Variants in ANKRD42 observed in about 807,000 individuals in gnomAD.
ANKRD42 encodes ankyrin repeat domain-containing protein 42.
Under a neutral mutation model 51.5 loss-of-function variants are expected in ANKRD42, and 43 were observed. The ratio of observed to expected loss-of-function variants is 0.83; its 90% CI spans 0.65 to 1.08. ANKRD42 has a LOEUF of 1.08. Ranked by LOEUF, ANKRD42 falls within the 50% of genes least tolerant of loss-of-function variation. The pLI, the probability that ANKRD42 is intolerant of heterozygous loss-of-function variation, is 0.00. For synonymous variants in ANKRD42, 203 were observed against 213.0 expected, an observed-to-expected ratio of 0.95 and a Z score of 0.41; for missense variants, 608 against 629.3, an observed-to-expected ratio of 0.97 and a Z score of 0.36.
intron 5 of ANKRD42, among the ~76,000 whole-genome samples, chr11:83,222,624 G>C (rs979759540): frequency 1.3e-5 from 2 of 152,188 alleles, no homozygotes; most frequent in Non-Finnish European, 2.9e-5. Flanking sequence ...ATTTCAGGTA[G>C]AGGTAACAGC....
At position 83,227,739 on chromosome 11, in the gene ANKRD42, A is replaced by G. The variant is rs1418868498; in HGVS notation, c.788-8A>G. The G allele has an allele frequency of 6.2e-7, 1 of 1,601,446 alleles. No individual in the cohort carries two copies. The highest frequency in any genetic ancestry group is 8.5e-7 in the Non-Finnish European group (1 of 1,176,532). On this transcript the variant is annotated splice_region_variant and splice_polypyrimidine_tract_variant and intron_variant, in intron 6 of 10. Coordinates refer to ENST00000533342, the MANE Select transcript of ANKRD42 (RefSeq NM_001300975.2). The stretch of plus-strand genomic sequence containing the variant: ...GTTTATTGAAATGCTGAATTTTTTT[A>G]TTCATAGCTTTAGCATTTCCAGGTC...
chr11:83,231,284 T>G (rs185847405), intron 7 of ANKRD42, among the ~76,000 whole-genome samples: 283 of 152,380 alleles, frequency 1.9e-3, no homozygotes, highest in African/African-American at 6.5e-3. Context: ...TTATTTGTAC[T>G]TTTGATTTGC....
chr11:83,219,459 T>C (rs1431342563), intron 5 of ANKRD42, among the ~76,000 whole-genome samples: 1 of 152,210 alleles, frequency 6.6e-6, no homozygotes, highest in Admixed American at 6.5e-5. Context: ...GAGAAATCTC[T>C]GAATTAGTGA....
chr11:83,261,981 A>C, downstream of ANKRD42: 1 of 1,565,038 alleles, frequency 6.4e-7, no homozygotes, highest in Non-Finnish European at 8.8e-7. Context: ...GAAAAGAAGA[A>C]ACTGTGTTAT....
At chr11:83,241,519 G>GAGGGGGAGGAGCC (rs1863386863) in intron 9 of ANKRD42, among the ~76,000 whole-genome samples, 1 of 152,144 alleles carries the variant, frequency 6.6e-6, no homozygotes, top group African/African-American at 2.4e-5. Context: ...TAAGATCTTG[G>GAGGGGGAGGAGCC]AAGAACGTGC....
At chr11:83,224,672 A>G (rs939836730) in intron 5 of ANKRD42, among the ~76,000 whole-genome samples, 183 bp from the exon 6 acceptor site, 3 of 152,078 alleles carry the variant, frequency 2.0e-5, no homozygotes, top group Non-Finnish European at 4.4e-5. Context: ...ACTCCCAGCT[A>G]CTTGGGAGGA....
rs115915578 is a variant in ANKRD42 at position 83,255,854 on chromosome 11, G to A, written c.1474G>A (p.Ala492Thr). The A allele has an allele frequency of 9.3e-4, 1,427 of 1,528,846 alleles. 13 individuals carry two copies. In the African/African-American group the frequency reaches 0.017, roughly 19 times the overall value. 94.7% of individuals were successfully genotyped at this position (1,528,846 alleles called of 1,614,324 possible). Residue 492 changes from alanine (A) to threonine (T), a missense_variant, in exon 12 of 12, where the codon GCT becomes ACT. Transcript: ENST00000260047. ...TTTCCTTTGCTTATAGGAAGACAGC[G>A]CTTCTTGTGAGTCAAACAAAGAGAA...
chr11:83,244,121 C>T (rs1269362525), intron 9 of ANKRD42, among the ~76,000 whole-genome samples: 1 of 151,820 alleles, frequency 6.6e-6, no homozygotes, highest in East Asian at 1.9e-4. Context: ...AGCTGGATTA[C>T]AGGCATGTGC....
intron 5 of ANKRD42, chr11:83,214,541 G>A (rs1024702249): frequency 1.0e-6 from 1 of 982,694 alleles, no homozygotes; most frequent in Non-Finnish European, 1.2e-6. Context: ...GAAAGAATGT[G>A]GCCTTAGGTC....
downstream of ANKRD42, among the ~76,000 whole-genome samples, chr11:83,262,210 A>G (rs1863968892): frequency 6.6e-6 from 1 of 152,092 alleles, no homozygotes; most frequent in African/African-American, 2.4e-5. Flanking sequence ...GAAACCTATA[A>G]CCTGTATTTA....
At chr11:83,198,022 T>C (rs1224582357) in intron 1 of ANKRD42, among the ~76,000 whole-genome samples, 1 of 152,192 alleles carries the variant, frequency 6.6e-6, no homozygotes, top group Non-Finnish European at 1.5e-5. Flanking sequence ...GAAGGTAAAA[T>C]CTATGAAAGT....
At position 83,217,476 on chromosome 11, in the gene ANKRD42, G is replaced by A. The variant is rs472309; in HGVS notation, c.586+6046G>A. On this transcript the variant is annotated intron_variant, in intron 5 of 10. Transcript: ENST00000533342. ...GTTACAGGCTGTCCTAAGATTCGTC[G>A]GATAGTAACAGACTTTGAGGACAGT... Among the ~76,000 whole-genome samples the A allele has an allele frequency of 2.3e-3, 355 of 152,290 alleles. 6 individuals carry two copies. Among genetic ancestry groups the A allele is most frequent in the Admixed American group, 2.5e-3 (38 of 15,300 alleles).
chr11:83,213,011 A>C, intron 5 of ANKRD42: 2 of 1,599,578 alleles, frequency 1.3e-6, no homozygotes, highest in Non-Finnish European at 1.7e-6. Context: ...CATCATGGCC[A>C]CCCTCAGACC....
At chr11:83,249,028 A>G, downstream of ANKRD42, 1 of 970,888 alleles carries the variant, frequency 1.0e-6, no homozygotes, top group Non-Finnish European at 1.2e-6. Flanking sequence ...CACATGGGGA[A>G]AATTTAGTAT....
chr11:83,257,869 C>A (rs1863801087), downstream of ANKRD42, among the ~76,000 whole-genome samples: 1 of 152,212 alleles, frequency 6.6e-6, no homozygotes, highest in African/African-American at 2.4e-5. Flanking sequence ...CTCCAAAATC[C>A]ATTCTCCCTT....
chr11:83,240,440 C>T (rs1863352318), intron 8 of ANKRD42, among the ~76,000 whole-genome samples: 1 of 152,178 alleles, frequency 6.6e-6, no homozygotes, highest in African/African-American at 2.4e-5. Flanking sequence ...TCTGGGCCTT[C>T]TATTCAGTTG....
At chr11:83,249,069 G>T (rs1218982423), downstream of ANKRD42, 7 of 838,022 alleles carry the variant, frequency 8.4e-6, no homozygotes, top group Non-Finnish European at 1.0e-5. Flanking sequence ...TCATGTGTTG[G>T]TTAGAGGGCT....
chr11:83,254,015 C>A (rs1360288760), intron 11 of ANKRD42, among the ~76,000 whole-genome samples: 1 of 152,146 alleles, frequency 6.6e-6, no homozygotes, highest in Non-Finnish European at 1.5e-5. Context: ...TCACTCTGTG[C>A]CCAGGCTGGC....
chr11:83,256,907 C>T (rs975030861), downstream of ANKRD42, among the ~76,000 whole-genome samples: 1 of 152,116 alleles, frequency 6.6e-6, no homozygotes, highest in African/African-American at 2.4e-5. Flanking sequence ...CTAGGCACAA[C>T]TACTTAATCT....
Sources: gnomAD v4.1 joint callset for allele counts (sites outside exome capture counted in the v4.1 genomes callset) on GRCh38, gnomAD v4.1.1 for gene constraint, MANE v1.5 for transcripts, NCBI Gene and HGNC (gene_info 2026-07-23, HGNC 2026-07-21) for gene names.